The following CNOT6L variants were observed in gnomAD, a reference collection of about 807,000 sequenced individuals.
The protein encoded by CNOT6L is CCR4-NOT transcription complex subunit 6-like.
Under a neutral mutation model 64.0 loss-of-function variants are expected in CNOT6L, and 7 were observed. The ratio of observed to expected loss-of-function variants is 0.11; its 90% CI spans 0.06 to 0.21. The LOEUF (loss-of-function observed/expected upper bound fraction) is 0.21. CNOT6L is among the 10% of genes least tolerant of loss of function. The probability of loss-of-function intolerance (pLI) is 1.00; values close to 1 mark genes in which losing one functional copy is unlikely to be tolerated. For missense variants in CNOT6L, 245 were observed against 669.0 expected (o/e 0.37, Z 6.99); for synonymous variants, 193 against 243.4 (o/e 0.79, Z 1.93).
At chr4:77,721,304 T>C (rs1430599339) in intron 11 of CNOT6L, among the ~76,000 whole-genome samples, 1 of 152,208 alleles carries the variant, frequency 6.6e-6, no homozygotes, top group Non-Finnish European at 1.5e-5. Context: ...AAGCCATACA[T>C]AGCAGTTTTA....
intron 11 of CNOT6L, among the ~76,000 whole-genome samples, chr4:77,722,656 C>T (rs142973323): frequency 4.4e-4 from 67 of 152,242 alleles, no homozygotes; most frequent in African/African-American, 1.2e-3. Context: ...GGAAGTAAGA[C>T]GCTTTTAATT....
At chr4:77,798,624 A>T (rs1350614425) in intron 1 of CNOT6L, among the ~76,000 whole-genome samples, 4 of 152,190 alleles carry the variant, frequency 2.6e-5, no homozygotes, top group Admixed American at 2.6e-4. Context: ...AACAACCGGA[A>T]CTTTCATACA....
chr4:77,762,055 C>T (rs1726301905), intron 4 of CNOT6L, among the ~76,000 whole-genome samples: 1 of 152,076 alleles, frequency 6.6e-6, no homozygotes, highest in Admixed American at 6.5e-5. Flanking sequence ...AACTACAAAA[C>T]TTTATTTGAA....
At chr4:77,743,484 C>A (rs1441790513) in intron 7 of CNOT6L, among the ~76,000 whole-genome samples, 1 of 150,408 alleles carries the variant, frequency 6.6e-6, no homozygotes, top group African/African-American at 2.5e-5. Context: ...TCCCAAGCAA[C>A]CTAAAAATAA....
chr4:77,788,802 AAATT>A (rs1363819012), intron 1 of CNOT6L, among the ~76,000 whole-genome samples: 1 of 151,984 alleles, frequency 6.6e-6, no homozygotes, highest in Non-Finnish European at 1.5e-5. Context: ...CATATATAAA[AAATT>A]AACCTCATTC....
Position 77,819,037 on chromosome 4 carries a change from C to T in CNOT6L, c.5+267G>A, listed in dbSNP as rs772058973. 1.5e-4 allele frequency: 101 copies of T among 663,308 alleles called. 1 individual carries two copies. The highest frequency in any genetic ancestry group is 2.5e-4 in the Non-Finnish European group (91 of 369,060). 41.1% of individuals were successfully genotyped at this position (663,308 alleles called of 1,614,324 possible). On this transcript the variant is annotated intron_variant, in intron 1 of 11. Transcript: ENST00000504123. ...ACACGCCACTCTGGGGTCCCGGCCC[C>T]GGGCCACCCCCGACACACACACACA...
At chr4:77,756,023 A>C (rs1373057312) in intron 5 of CNOT6L, among the ~76,000 whole-genome samples, 2 of 151,794 alleles carry the variant, frequency 1.3e-5, no homozygotes, top group African/African-American at 4.8e-5. Flanking sequence ...ACGCTCTGTC[A>C]CCCAGGCTGG....
rs58053525 is a variant in CNOT6L, at chr4:77,751,405, T to G, written c.491-3021A>C. Among the ~76,000 whole-genome samples the G allele has an allele frequency of 1.8e-3, 272 of 152,204 alleles. 2 individuals are homozygous for G. Among genetic ancestry groups the G allele is most frequent in the African/African-American group, 5.5e-3 (227 of 41,540 alleles). On this transcript the variant is annotated intron_variant, in intron 5 of 11. Coordinates refer to ENST00000504123, the MANE Select transcript of CNOT6L (RefSeq NM_144571.3). ...CTGAAAAAACCTGTGGAACTATAAT[T>G]TTTTAAAAATATCTAGATTAGTATT...
At chr4:77,721,765 G>T (rs1399958760) in intron 11 of CNOT6L, among the ~76,000 whole-genome samples, 1 of 152,052 alleles carries the variant, frequency 6.6e-6, no homozygotes, top group Non-Finnish European at 1.5e-5. Flanking sequence ...AAGTCCAGGA[G>T]TTCAAGACCA....
chr4:77,745,350 T>C (rs1392359420), intron 6 of CNOT6L, among the ~76,000 whole-genome samples: 1 of 152,194 alleles, frequency 6.6e-6, no homozygotes, highest in Non-Finnish European at 1.5e-5. Context: ...TGTAAGAGAA[T>C]CGTTTTTGTC....
chr4:77,794,895 A>G (rs1201425115), intron 1 of CNOT6L, among the ~76,000 whole-genome samples: 1 of 152,168 alleles, frequency 6.6e-6, no homozygotes, highest in East Asian at 1.9e-4. Flanking sequence ...TCTACAAAAA[A>G]TCTAACAGAA....
At chr4:77,816,066 G>C (rs1437979378) in intron 1 of CNOT6L, among the ~76,000 whole-genome samples, 2 of 152,160 alleles carry the variant, frequency 1.3e-5, no homozygotes, top group African/African-American at 4.8e-5. Flanking sequence ...ATTTTGGAAA[G>C]ATTGCTTAAA....
intron 5 of CNOT6L, among the ~76,000 whole-genome samples, chr4:77,752,326 C>CT (rs1724948095): frequency 2.0e-5 from 3 of 152,096 alleles, no homozygotes; most frequent in Non-Finnish European, 4.4e-5. Context: ...TTTGACATAG[C>CT]TTTATTGGTA....
At chr4:77,759,438 G>T (rs192470901) in intron 4 of CNOT6L, among the ~76,000 whole-genome samples, 1 of 151,874 alleles carries the variant, frequency 6.6e-6, no homozygotes, top group African/African-American at 2.4e-5. Context: ...GGTTGCGGGC[G>T]CTTGTAGTCC....
Position 77,758,720 on chromosome 4 carries a change from C to T in CNOT6L, c.401-1769G>A, listed in dbSNP as rs1434204156. Among the ~76,000 whole-genome samples, 3 of 152,272 alleles carry T rather than the reference C, an allele frequency of 2.0e-5. No homozygotes were observed. The East Asian group carries it at 5.8e-4, about 29-fold the overall frequency. On this transcript the variant is annotated intron_variant, in intron 4 of 11. Transcript: ENST00000504123. ...TTGAGAGTTAAAAACTCCAAGAGGGCCTAGTCTTAGGGCATTCCCACACTT... is the reference window on the plus strand; with the variant it reads ...TTGAGAGTTAAAAACTCCAAGAGGGTCTAGTCTTAGGGCATTCCCACACTT...
At chr4:77,753,403 G>T (rs1442099078) in intron 5 of CNOT6L, among the ~76,000 whole-genome samples, 1 of 152,100 alleles carries the variant, frequency 6.6e-6, no homozygotes, top group African/African-American at 2.4e-5. Flanking sequence ...GGGCGCACTG[G>T]CTCAAACCTG....
intron 4 of CNOT6L, among the ~76,000 whole-genome samples, chr4:77,760,426 T>A (rs1360221455): frequency 6.6e-6 from 1 of 151,846 alleles, no homozygotes; most frequent in Non-Finnish European, 1.5e-5. Context: ...AACATGACAC[T>A]ATCAAAATTT....
intron 4 of CNOT6L, among the ~76,000 whole-genome samples, chr4:77,765,776 A>G (rs1218710375): frequency 6.6e-6 from 1 of 152,204 alleles, no homozygotes; most frequent in East Asian, 1.9e-4. Context: ...TTACTTATAT[A>G]GGCAACTAAA....
chr4:77,737,816 G>A (rs1199853841), intron 8 of CNOT6L, among the ~76,000 whole-genome samples: 3 of 151,994 alleles, frequency 2.0e-5, no homozygotes, highest in Admixed American at 2.0e-4. Flanking sequence ...TATTCGAAAG[G>A]TACAGAAACT....
Sources: gnomAD v4.1 joint callset for allele counts (sites outside exome capture counted in the v4.1 genomes callset) on GRCh38, gnomAD v4.1.1 for gene constraint, MANE v1.5 for transcripts, NCBI Gene and HGNC (gene_info 2026-07-23, HGNC 2026-07-21) for gene names.